FAM186A: variants seen among roughly 807,000 people sequenced by gnomAD.
The protein encoded by FAM186A is family with sequence similarity 186 member A.
FAM186A carries 163 observed loss-of-function variants against 216.8 expected under a neutral mutation model. That is an observed-to-expected ratio of 0.75 (90% CI 0.66 to 0.86). FAM186A has a LOEUF of 0.86. Ranked by LOEUF, FAM186A falls within the 40% of genes least tolerant of loss-of-function variation. The pLI is 0.00. For synonymous variants in FAM186A, 805 were observed against 1,025.3 expected, an observed-to-expected ratio of 0.79 and a Z score of 4.10; for missense variants, 2,184 against 2,746.2, an observed-to-expected ratio of 0.80 and a Z score of 4.58.
chr12:50,391,397 C>A lies in FAM186A; in HGVS notation c.192+4896G>T, dbSNP rs183173907. On this transcript the variant is annotated intron_variant, in intron 1 of 7. Transcript: ENST00000327337. ...GTGGCGCGATCTTGGCTCACTGCAA[C>A]CTCTGCCTCCCAGGTTCAAGCAATT... is the stretch of plus-strand genomic sequence containing the variant. 3.1e-3 allele frequency among the ~76,000 whole-genome samples: 465 copies of A among 151,728 alleles called. 7 individuals are homozygous for A. In the East Asian group the frequency reaches 0.036, roughly 12 times the overall value.
intron 1 of FAM186A, 141 bp downstream of exon 1, chr12:50,396,152 G>T: frequency 1.5e-6 from 1 of 686,858 alleles, no homozygotes; most frequent in Non-Finnish European, 2.3e-6. Context: ...GGTGTCAGGT[G>T]AAATTGTCAT....
chr12:50,373,065 AAGAAAG>A (rs1565893125), intron 1 of FAM186A, among the ~76,000 whole-genome samples: 6 of 143,644 alleles, frequency 4.2e-5, no homozygotes, highest in African/African-American at 1.5e-4. Flanking sequence ...GAAAGAAAGA[AAGAAAG>A]AAAGAGAAAA....
In FAM186A at chr12:50,355,815, T is replaced by G. The variant is rs774393440; in HGVS notation, c.1017A>C (p.Gln339His). Residue 339 changes from glutamine (Q) to histidine (H), a missense_variant, in exon 4 of 8, where the codon CAA becomes CAC. Gln to His is a conservative substitution (Grantham distance 24, BLOSUM62 0). Around this residue, in one of 7 missense-constraint regions of FAM186A, gnomAD observed 1,132 missense variants for 1,263.4 expected, o/e 0.90. Transcript: ENST00000327337. The part of the protein sequence containing the change: ...QLIRSKIVIE[Q>H]LYAKLSTSST... Reference sequence around the variant, plus strand: ...ATGATGTGGACAATTTTGCATATAGTTGTTCTATAACAATTTTGGATCGAA... The same window carrying G: ...ATGATGTGGACAATTTTGCATATAGGTGTTCTATAACAATTTTGGATCGAA... The G allele has an allele frequency of 1.7e-5, 27 of 1,551,618 alleles. No individual in the cohort carries two copies. The African/African-American group carries it at 3.4e-4, about 20-fold the overall frequency.
At position 50,333,900 on chromosome 12, in the gene FAM186A, A is replaced by C; in HGVS notation, c.6696+11T>G. ...CAACATGCTGGACAGAGGGAGTGGA[A>C]AGCAGGTTACCTGGTTGAATACGTG... On this transcript the variant is annotated intron_variant, in intron 5 of 7. Transcript: ENST00000327337. 1 of 1,548,588 alleles carries C rather than the reference A, an allele frequency of 6.5e-7. No individual in the cohort carries two copies. The highest frequency in any genetic ancestry group is 8.7e-7 in the Non-Finnish European group (1 of 1,145,812).
chr12:50,356,680 A>G (rs1442233455), intron 3 of FAM186A, among the ~76,000 whole-genome samples: 1 of 152,182 alleles, frequency 6.6e-6, no homozygotes, highest in Non-Finnish European at 1.5e-5. Flanking sequence ...AATTTTAGTT[A>G]CAAGTTTGGG....
intron 1 of FAM186A, among the ~76,000 whole-genome samples, chr12:50,381,077 G>T (rs754277400): frequency 5.5e-4 from 84 of 152,320 alleles, no homozygotes; most frequent in Non-Finnish European, 8.2e-4. Context: ...GCACCCAGAA[G>T]CTTGGAGACA....
chr12:50,331,302 C>T (rs1942653798), intron 6 of FAM186A, among the ~76,000 whole-genome samples: 2 of 152,158 alleles, frequency 1.3e-5, no homozygotes, highest in Admixed American at 6.5e-5. Flanking sequence ...TGCAATGGCA[C>T]GATCTCGGCT....
intron 2 of FAM186A, among the ~76,000 whole-genome samples, chr12:50,362,354 C>G (rs1220185843): frequency 6.6e-6 from 1 of 152,118 alleles, no homozygotes; most frequent in African/African-American, 2.4e-5. Flanking sequence ...TTAAGTAAAA[C>G]AAGTTCCCTA....
chr12:50,359,637 T>C (rs1399990907), intron 3 of FAM186A, among the ~76,000 whole-genome samples: 1 of 152,138 alleles, frequency 6.6e-6, no homozygotes, highest in African/African-American at 2.4e-5. Flanking sequence ...TGGAAACAAT[T>C]CATATGTATA....
At chr12:50,383,067 G>GAACAAC (rs908722246) in intron 1 of FAM186A, among the ~76,000 whole-genome samples, 3 of 147,426 alleles carry the variant, frequency 2.0e-5, no homozygotes, top group African/African-American at 7.5e-5. Flanking sequence ...AATACAAAAA[G>GAACAAC]AACAACAACA....
At chr12:50,359,580 C>G (rs191328442) in intron 3 of FAM186A, among the ~76,000 whole-genome samples, 1,683 of 152,048 alleles carry the variant, frequency 0.011, 27 homozygotes, top group African/African-American at 0.037. Flanking sequence ...ATCTACCCCC[C>G]CAAAAAAAAT....
At chr12:50,366,649 C>T (rs10876025) in intron 1 of FAM186A, among the ~76,000 whole-genome samples, 1 of 18,194 alleles carries the variant, frequency 5.5e-5, no homozygotes, top group Non-Finnish European at 1.2e-4. Context: ...AAAAAAAAAA[C>T]GTGATCATCA....
At chr12:50,393,775 G>A (rs1033020696) in intron 1 of FAM186A, among the ~76,000 whole-genome samples, 8 of 152,138 alleles carry the variant, frequency 5.3e-5, no homozygotes, top group Admixed American at 3.3e-4. Context: ...CTTGAGCCCC[G>A]GAGGCAGAGG....
At chr12:50,372,882 C>T (rs1478862176) in intron 1 of FAM186A, among the ~76,000 whole-genome samples, 2 of 127,396 alleles carry the variant, frequency 1.6e-5, no homozygotes, top group Non-Finnish European at 3.1e-5. Flanking sequence ...GTCTCCTGGG[C>T]GACAGAGCAA....
chr12:50,393,787 T>C (rs1943386467), intron 1 of FAM186A, among the ~76,000 whole-genome samples: 1 of 152,220 alleles, frequency 6.6e-6, no homozygotes, highest in Admixed American at 6.5e-5. Flanking sequence ...AGGCAGAGGT[T>C]GCATACATTT....
In FAM186A at chr12:50,350,810, CAA is replaced by C. The variant is rs1565883195; in HGVS notation, c.6020_6021del (p.Phe2007CysfsTer6). The C allele has an allele frequency of 6.4e-7, 1 of 1,551,640 alleles. No homozygotes were observed. The highest frequency in any genetic ancestry group is 8.7e-7 in the Non-Finnish European group (1 of 1,146,992). ...TGAAATGTTCTAAATGATTCTATAG[CAA>C]AAGTGTCTCGAAGTATCTGGGTTTC... is the stretch of plus-strand genomic sequence containing the variant. The part of the protein sequence containing the change: ...SEETQILRDT[F>X]AIESFRTFQS... On this transcript the variant is annotated frameshift_variant, in exon 4 of 8. Coordinates refer to ENST00000327337, the MANE Select transcript of FAM186A (RefSeq NM_001145475.3). LOFTEE classifies it high-confidence loss of function.
chr12:50,394,701 C>T (rs1430987188), intron 1 of FAM186A, among the ~76,000 whole-genome samples: 1 of 137,226 alleles, frequency 7.3e-6, no homozygotes, highest in South Asian at 2.4e-4. Context: ...GCTGGGATTA[C>T]AGGAGTGAGC....
At chr12:50,327,998 T>C (rs1392012462) in intron 7 of FAM186A, among the ~76,000 whole-genome samples, 2 of 152,220 alleles carry the variant, frequency 1.3e-5, no homozygotes, top group African/African-American at 4.8e-5. Context: ...AATTAATGAT[T>C]GTTATTTCCA....
chr12:50,342,240 A>G (rs1239083981), intron 4 of FAM186A, among the ~76,000 whole-genome samples: 1 of 151,582 alleles, frequency 6.6e-6, no homozygotes, highest in East Asian at 2.0e-4. Context: ...TGGGAGGCAG[A>G]GGTTGCAGTG....
Sources: allele counts gnomAD v4.1 joint callset (sites outside exome capture counted in the v4.1 genomes callset), GRCh38; gene constraint gnomAD v4.1.1; regional missense constraint gnomAD v4.1.1; transcripts MANE v1.5; gene names NCBI Gene and HGNC (gene_info 2026-07-23, HGNC 2026-07-21).